Variants in ZDHHC15 observed in about 807,000 individuals in gnomAD.
The protein encoded by ZDHHC15 is zDHHC palmitoyltransferase 15.
A neutral mutation model predicts 31.7 loss-of-function variants in ZDHHC15; 19 were observed. The observed-to-expected ratio is 0.60, with a 90% CI of 0.42 to 0.88. ZDHHC15 has a LOEUF of 0.88. Among genes scored for constraint, ZDHHC15 ranks in the 40% least tolerant of loss-of-function variants. The pLI, the probability that ZDHHC15 is intolerant of heterozygous loss-of-function variation, is 0.00. For synonymous variants in ZDHHC15, 103 were observed against 90.0 expected, an observed-to-expected ratio of 1.14 and a Z score of -0.82; for missense variants, 209 against 251.2, an observed-to-expected ratio of 0.83 and a Z score of 1.14.
intron 3 of ZDHHC15, among the ~76,000 whole-genome samples, chrX:75,467,254 C>G (rs2084421522): frequency 8.9e-6 from 1 of 111,926 alleles, no homozygotes; most frequent in Non-Finnish European, 1.9e-5. Context: ...TGTGGTGGCA[C>G]TTTAATTTCT....
At chrX:75,412,445 T>C (rs2083495125) in intron 10 of ZDHHC15, among the ~76,000 whole-genome samples, 1 of 110,784 alleles carries the variant, frequency 9.0e-6, no homozygotes, top group African/African-American at 3.3e-5. Context: ...TCTTTTTTTT[T>C]TTTGACACGG....
At chrX:75,477,006 G>A (rs1444000171) in intron 3 of ZDHHC15, among the ~76,000 whole-genome samples, 1 of 110,860 alleles carries the variant, frequency 9.0e-6, no homozygotes, top group East Asian at 2.8e-4. Flanking sequence ...TTAAATGAAG[G>A]TACTTACAGC....
At chrX:75,470,959 C>T (rs188548477) in intron 3 of ZDHHC15, among the ~76,000 whole-genome samples, 2 of 111,996 alleles carry the variant, frequency 1.8e-5, no homozygotes, top group East Asian at 2.8e-4. Context: ...ACAGATGCAG[C>T]GGTGGTGATT....
At chrX:75,488,837 G>C (rs1307463414) in intron 2 of ZDHHC15, among the ~76,000 whole-genome samples, 1 of 112,177 alleles carries the variant, frequency 8.9e-6, no homozygotes. Flanking sequence ...AGGGACTTCC[G>C]TTTCCTAGCC....
chrX:75,402,623 A>G (rs1023023070), intron 10 of ZDHHC15, among the ~76,000 whole-genome samples: 6 of 111,758 alleles, frequency 5.4e-5, no homozygotes, highest in African/African-American at 2.0e-4. Context: ...GTATGCACAC[A>G]AACTAGAAAA....
At chrX:75,499,535 C>A (rs1447401208) in intron 2 of ZDHHC15, among the ~76,000 whole-genome samples, 2 of 111,580 alleles carry the variant, frequency 1.8e-5, no homozygotes, top group Non-Finnish European at 3.8e-5. Flanking sequence ...TGCTGGACAT[C>A]ACTAATGATC....
chrX:75,515,234 C>T (rs1268304481), intron 1 of ZDHHC15, among the ~76,000 whole-genome samples: 2 of 111,390 alleles, frequency 1.8e-5, no homozygotes, highest in African/African-American at 6.5e-5. Context: ...ATGAGGCCAA[C>T]ATCATCCTGA....
At chrX:75,433,828 T>C (rs778387384) in intron 4 of ZDHHC15, among the ~76,000 whole-genome samples, 5 of 110,846 alleles carry the variant, frequency 4.5e-5, no homozygotes, top group Non-Finnish European at 7.5e-5. Flanking sequence ...CTTTTTCATA[T>C]AATGACTTCT....
intron 3 of ZDHHC15, among the ~76,000 whole-genome samples, chrX:75,463,613 C>A (rs1602670042): frequency 1.1e-5 from 1 of 94,588 alleles, no homozygotes; most frequent in African/African-American, 3.5e-5. Context: ...ACAAAAAACC[C>A]ATCAAAAGGT....
At chrX:75,486,445 A>T (rs1259134152) in intron 2 of ZDHHC15, among the ~76,000 whole-genome samples, 2 of 112,359 alleles carry the variant, frequency 1.8e-5, no homozygotes, top group African/African-American at 6.5e-5. Flanking sequence ...ATAAATTTTC[A>T]TGAGCAGAAA....
At chrX:75,490,348 G>T (rs893356771) in intron 2 of ZDHHC15, among the ~76,000 whole-genome samples, 3 of 111,603 alleles carry the variant, frequency 2.7e-5, no homozygotes, top group African/African-American at 6.5e-5. Context: ...GAGAAAGGTC[G>T]GATTACCCAC....
At chrX:75,467,558 G>A (rs2084426898) in intron 3 of ZDHHC15, among the ~76,000 whole-genome samples, 1 of 112,047 alleles carries the variant, frequency 8.9e-6, no homozygotes, top group Non-Finnish European at 1.9e-5. Context: ...TTGGCCCAAT[G>A]TACTCTCCTT....
chrX:75,411,525 A>G (rs2083486059), intron 10 of ZDHHC15, among the ~76,000 whole-genome samples: 1 of 112,830 alleles, frequency 8.9e-6, no homozygotes, highest in African/African-American at 3.2e-5. Flanking sequence ...ACATTTCGAT[A>G]TAGCTAGAAG....
At chrX:75,505,407 CAATA>C (rs1245880120) in intron 2 of ZDHHC15, among the ~76,000 whole-genome samples, 4 of 111,097 alleles carry the variant, frequency 3.6e-5, no homozygotes, top group Middle Eastern at 9.3e-3. Context: ...GAGAGGAGCA[CAATA>C]AATATACTGG....
chrX:75,399,884 C>T (rs1038823894), intron 10 of ZDHHC15, among the ~76,000 whole-genome samples: 2 of 111,685 alleles, frequency 1.8e-5, no homozygotes, highest in Non-Finnish European at 3.8e-5. Flanking sequence ...AAATAACCCC[C>T]TCTGATACCA....
In ZDHHC15 at chrX:75,466,135, C is replaced by T. The variant is rs921777777; in HGVS notation, c.258+12756G>A. 3.6e-5 allele frequency among the ~76,000 whole-genome samples: 4 copies of T among 111,362 alleles called. No individual in the cohort carries two copies. In the South Asian group the frequency reaches 1.1e-3, roughly 32 times the overall value. The stretch of plus-strand genomic sequence containing the variant: ...ACAACCCCAGTAAAAAGTGGGCAAA[C>T]GACATGAACAAACACTTCTCAAAAG... On this transcript the variant is annotated intron_variant, in intron 3 of 11. Coordinates refer to ENST00000373367, the MANE Select transcript of ZDHHC15 (RefSeq NM_144969.3).
intron 2 of ZDHHC15, among the ~76,000 whole-genome samples, chrX:75,502,881 TG>T (rs1485122498): frequency 2.7e-5 from 3 of 111,066 alleles, no homozygotes; most frequent in Non-Finnish European, 3.8e-5. Flanking sequence ...GTATGATCTA[TG>T]GGAAAACATA....
At chrX:75,518,832 CA>C (rs2085405039) in intron 1 of ZDHHC15, among the ~76,000 whole-genome samples, 1 of 94,574 alleles carries the variant, frequency 1.1e-5, no homozygotes, top group Non-Finnish European at 2.1e-5. Flanking sequence ...CACACACACA[CA>C]CACACACACA....
At chrX:75,481,196 C>A (rs190979267) in intron 2 of ZDHHC15, among the ~76,000 whole-genome samples, 1 of 111,077 alleles carries the variant, frequency 9.0e-6, no homozygotes, top group East Asian at 2.8e-4. Flanking sequence ...GTTATGTTAA[C>A]CCATGTTCCT....
Sources: gnomAD v4.1 joint callset for allele counts (sites outside exome capture counted in the v4.1 genomes callset) on GRCh38, gnomAD v4.1.1 for gene constraint, MANE v1.5 for transcripts, NCBI Gene and HGNC (gene_info 2026-07-23, HGNC 2026-07-21) for gene names.